Variants in ZNF704 observed in about 807,000 individuals in gnomAD.
ZNF704 encodes the protein glucocorticoid induced gene 1.
In ZNF704, 10 loss-of-function variants were observed where a neutral mutation model predicts 44.7. The observed-to-expected ratio is 0.22, with a 90% confidence interval of 0.14 to 0.38. The LOEUF (loss-of-function observed/expected upper bound fraction) is 0.38. ZNF704 is among the 10% of genes least tolerant of loss of function. The pLI is 1.00. For missense variants in ZNF704, 390 were observed against 545.5 expected (o/e 0.71, Z 2.84); for synonymous variants, 211 against 207.6 (o/e 1.02, Z -0.14).
chr8:80,711,623 A>C (rs2131659928), intron 2 of ZNF704, among the ~76,000 whole-genome samples: 1 of 152,348 alleles, frequency 6.6e-6, no homozygotes, highest in Non-Finnish European at 1.5e-5. Context: ...AAAGGACAGA[A>C]CACCAGTGTG....
At chr8:80,701,236 C>T (rs1315972850) in intron 2 of ZNF704, among the ~76,000 whole-genome samples, 2 of 152,038 alleles carry the variant, frequency 1.3e-5, no homozygotes, top group Non-Finnish European at 2.9e-5. Flanking sequence ...ATCCTCGGCA[C>T]GCATCCTACC....
rs1310965311 is a variant in ZNF704 at position 80,632,553 on chromosome 8, GTTAA to G, written c.*8809_*8812del. The G allele has an allele frequency of 6.6e-6, 1 of 152,202 alleles. No individual in the cohort carries two copies. Among genetic ancestry groups the G allele is most frequent in the Non-Finnish European group, 1.5e-5 (1 of 68,040 alleles). The allele number at this position is 152,202 out of a possible 1,614,324, so 9.4% of individuals were successfully genotyped here. On this transcript the variant is annotated 3_prime_UTR_variant, in exon 9 of 9. Transcript: ENST00000327835. ...AAGGACCTAGCAAGATAATGTAATAGTTAATTAGACTTGAGAATTGATTTTTAGT... is the reference window on the plus strand; with the variant it reads ...AAGGACCTAGCAAGATAATGTAATAGTTAGACTTGAGAATTGATTTTTAGT...
chr8:80,672,315 GA>G (rs1290364409), intron 4 of ZNF704, among the ~76,000 whole-genome samples: 4 of 152,192 alleles, frequency 2.6e-5, no homozygotes, highest in Non-Finnish European at 4.4e-5. Flanking sequence ...ATACACTGGT[GA>G]CGGGAGTGTG....
At chr8:80,755,041 T>C (rs944055532) in intron 2 of ZNF704, among the ~76,000 whole-genome samples, 9 of 152,324 alleles carry the variant, frequency 5.9e-5, no homozygotes, top group African/African-American at 2.2e-4. Flanking sequence ...ATAGGTCTAG[T>C]ACCAAGAAGG....
At position 80,639,786 on chromosome 8, in the gene ZNF704, A is replaced by G. The variant is rs1439459679; in HGVS notation, c.*1580T>C. ...TTAAAAAAGTGTATGTATAATCTCTAGACATATATTAAACTTTCCTCTGTG... is the reference window on the plus strand; with the variant it reads ...TTAAAAAAGTGTATGTATAATCTCTGGACATATATTAAACTTTCCTCTGTG... On this transcript the variant is annotated 3_prime_UTR_variant, in exon 9 of 9. Transcript: ENST00000327835. 6.6e-6 allele frequency: 1 copy of G among 152,622 alleles called. No homozygotes were observed. The highest frequency in any genetic ancestry group is 1.5e-5 in the Non-Finnish European group (1 of 68,032). 9.5% of individuals were successfully genotyped at this position (152,622 alleles called of 1,614,324 possible).
intron 2 of ZNF704, among the ~76,000 whole-genome samples, chr8:80,700,334 G>A (rs958375626): frequency 5.9e-5 from 9 of 152,196 alleles, no homozygotes; most frequent in African/African-American, 2.2e-4. Context: ...ACAGACTGCA[G>A]TTTAATCCCC....
At chr8:80,760,654 C>CAAAA (rs1156753093) in intron 2 of ZNF704, among the ~76,000 whole-genome samples, 1 of 59,866 alleles carries the variant, frequency 1.7e-5, no homozygotes, top group African/African-American at 4.8e-5. Flanking sequence ...GACTCCATCT[C>CAAAA]AAAAAAAAAA....
At chr8:80,838,669 C>T (rs1447443068) in intron 1 of ZNF704, among the ~76,000 whole-genome samples, 1 of 119,316 alleles carries the variant, frequency 8.4e-6, no homozygotes, top group Non-Finnish European at 1.7e-5. Context: ...AGAAGCAGAA[C>T]CTGGAGGAGG....
At chr8:80,835,395 G>T (rs1808542053) in intron 1 of ZNF704, among the ~76,000 whole-genome samples, 1 of 152,138 alleles carries the variant, frequency 6.6e-6, no homozygotes, top group South Asian at 2.1e-4. Flanking sequence ...GACACCACAG[G>T]AACAGTCTGT....
At chr8:80,841,042 G>A (rs1426273748) in intron 1 of ZNF704, among the ~76,000 whole-genome samples, 4 of 152,186 alleles carry the variant, frequency 2.6e-5, no homozygotes, top group African/African-American at 9.7e-5. Context: ...CAGGAGAGAA[G>A]TCCAACCACA....
chr8:80,655,152 G>A (rs1474152609), intron 7 of ZNF704, among the ~76,000 whole-genome samples: 4 of 151,864 alleles, frequency 2.6e-5, no homozygotes, highest in Non-Finnish European at 4.4e-5. Context: ...GAGAATACAT[G>A]GACACAGGAA....
At chr8:80,810,470 CTTTT>C (rs138732265) in intron 2 of ZNF704, among the ~76,000 whole-genome samples, 1 of 150,606 alleles carries the variant, frequency 6.6e-6, no homozygotes, top group Non-Finnish European at 1.5e-5. Context: ...TATTAATGAG[CTTTT>C]TTTTAACAAT....
chr8:80,800,146 A>G (rs536265789), intron 2 of ZNF704, among the ~76,000 whole-genome samples: 1 of 152,186 alleles, frequency 6.6e-6, no homozygotes, highest in South Asian at 2.1e-4. Flanking sequence ...AATAAACAAA[A>G]CCTCTGAGAA....
intron 2 of ZNF704, among the ~76,000 whole-genome samples, chr8:80,731,523 TTA>T (rs1366464992): frequency 6.6e-6 from 1 of 152,218 alleles, no homozygotes; most frequent in African/African-American, 2.4e-5. Context: ...AAAATCATCT[TTA>T]TGAATTTCAA....
intron 4 of ZNF704, among the ~76,000 whole-genome samples, chr8:80,672,323 T>A (rs1585940375): frequency 6.6e-6 from 1 of 151,858 alleles, no homozygotes; most frequent in Non-Finnish European, 1.5e-5. Context: ...GTGACGGGAG[T>A]GTGAATTAGT....
chr8:80,655,691 T>C (rs1251727063), intron 7 of ZNF704, among the ~76,000 whole-genome samples: 1 of 152,218 alleles, frequency 6.6e-6, no homozygotes, highest in East Asian at 1.9e-4. Flanking sequence ...ACACTAAAGA[T>C]GCTGTGCCCT....
intron 2 of ZNF704, among the ~76,000 whole-genome samples, chr8:80,726,848 C>G (rs1246575739): frequency 3.3e-5 from 5 of 152,074 alleles, no homozygotes; most frequent in African/African-American, 7.2e-5. Flanking sequence ...CACACACACA[C>G]ACACACACAG....
chr8:80,718,776 G>T (rs1208039702), intron 2 of ZNF704, among the ~76,000 whole-genome samples: 1 of 152,168 alleles, frequency 6.6e-6, no homozygotes, highest in Admixed American at 6.5e-5. Flanking sequence ...GGGGTGGCTT[G>T]CTACTCAGCA....
At chr8:80,641,779 T>G (rs577066837) in intron 8 of ZNF704, among the ~76,000 whole-genome samples, 1 of 152,256 alleles carries the variant, frequency 6.6e-6, no homozygotes, top group East Asian at 1.9e-4. Flanking sequence ...GAGAATCACT[T>G]GAACCCGGGA....
Sources: gnomAD v4.1 joint callset for allele counts (sites outside exome capture counted in the v4.1 genomes callset) on GRCh38, gnomAD v4.1.1 for gene constraint, MANE v1.5 for transcripts, NCBI Gene and HGNC (gene_info 2026-07-23, HGNC 2026-07-21) for gene names.